PRKN: variants seen among roughly 807,000 people sequenced by gnomAD.
PRKN encodes the protein E3 ubiquitin-protein ligase parkin.
PRKN carries 56 observed loss-of-function variants against 59.5 expected under a neutral mutation model. That is an observed-to-expected ratio of 0.94 (90% CI 0.76 to 1.18). The LOEUF is 1.18. Among genes scored for constraint, PRKN ranks in the 50% most tolerant of loss-of-function variants. The pLI, the probability that PRKN is intolerant of heterozygous loss-of-function variation, is 0.00. For synonymous variants in PRKN, 250 were observed against 222.1 expected (o/e 1.13, Z -1.12); for missense variants, 657 against 596.4 (o/e 1.10, Z -1.06).
rs11272825 is a variant in PRKN, at chr6:161,445,795, TTTCCC to T, written c.1084-58923_1084-58919del. Among the ~76,000 whole-genome samples the T allele has an allele frequency of 0.37, 55,583 of 149,170 alleles. 11,356 individuals carry two copies. The highest frequency in any genetic ancestry group is 0.76 in the East Asian group (3,576 of 4,698). On this transcript the variant is annotated intron_variant, in intron 9 of 11. Transcript: ENST00000366898. The surrounding 1 kb of genome is among the most constrained non-coding windows in gnomAD (Gnocchi z 7.7). The stretch of plus-strand genomic sequence containing the variant: ...GGCCGCCAGCAAAGAATACAAGGGG[TTTCCC>T]TTCCCTTCCCTTCCCTTCCCTTCCC...
At chr6:162,477,671 T>C (rs981082829) in intron 1 of PRKN, among the ~76,000 whole-genome samples, 4 of 152,134 alleles carry the variant, frequency 2.6e-5, no homozygotes, top group Non-Finnish European at 5.9e-5. Context: ...TCCACTCTTT[T>C]CTCATCCTCC....
intron 9 of PRKN, among the ~76,000 whole-genome samples, chr6:161,408,213 C>T (rs932504657): frequency 2.0e-5 from 3 of 151,200 alleles, no homozygotes; most frequent in African/African-American, 7.3e-5. Flanking sequence ...GCAAGATACA[C>T]ATTTACATAA....
chr6:161,714,855 C>G (rs1025533212), intron 7 of PRKN, among the ~76,000 whole-genome samples: 14 of 152,152 alleles, frequency 9.2e-5, no homozygotes, highest in African/African-American at 3.1e-4. Flanking sequence ...CGCCACCCCA[C>G]AAAGACACAT....
In PRKN at chr6:162,262,634, G is replaced by T; in HGVS notation, c.303C>A (p.Ser101Arg). Residue 101 changes from serine (S) to arginine (R), a missense_variant, in exon 3 of 12, where the codon AGC (serine) becomes AGA (arginine). Ser to Arg is a moderately radical substitution (Grantham distance 110). Transcript: ENST00000366898. ...AGCTGCTGAGGTCCACCCGAGTCAA[G>T]CTCTGGGGCTCCCGCTCACAGCCTC... ...AAGGCEREPQ[S>R]LTRVDLSSSV... 1 of 1,613,856 alleles carries T rather than the reference G, an allele frequency of 6.2e-7. No homozygotes were observed. The highest frequency in any genetic ancestry group is 8.5e-7 in the Non-Finnish European group (1 of 1,180,006).
intron 1 of PRKN, among the ~76,000 whole-genome samples, chr6:162,455,759 T>A (rs1790841414): frequency 6.6e-6 from 1 of 152,120 alleles, no homozygotes; most frequent in South Asian, 2.1e-4. Context: ...GGTTTTGATT[T>A]AAAAAATGTT....
intron 1 of PRKN, among the ~76,000 whole-genome samples, chr6:162,674,401 C>T (rs964976727): frequency 6.6e-6 from 1 of 152,008 alleles, no homozygotes; most frequent in Non-Finnish European, 1.5e-5. Context: ...GGCAATATCA[C>T]ATTAAAAGTG....
intron 1 of PRKN, among the ~76,000 whole-genome samples, chr6:162,450,716 G>A (rs1311254626): frequency 2.0e-5 from 3 of 152,162 alleles, no homozygotes; most frequent in African/African-American, 4.8e-5. Flanking sequence ...ACCTTTCAAG[G>A]TCATCCAAAA....
chr6:161,679,875 C>G (rs532553324), intron 7 of PRKN, among the ~76,000 whole-genome samples: 99 of 151,444 alleles, frequency 6.5e-4, no homozygotes, highest in South Asian at 2.5e-3. Context: ...CTGCCTCAGC[C>G]CCCCCAGGAG....
chr6:161,877,327 C>T (rs1004053283), intron 6 of PRKN, among the ~76,000 whole-genome samples: 5 of 152,150 alleles, frequency 3.3e-5, no homozygotes, highest in African/African-American at 9.7e-5. Flanking sequence ...CCTGACCATC[C>T]CAGAGCTCTC....
rs571593610 is a variant in PRKN at position 161,779,751 on chromosome 6, T to C, written c.871+6021A>G. Among the ~76,000 whole-genome samples, 3 of 152,236 alleles carry C rather than the reference T, an allele frequency of 2.0e-5. No individual in the cohort carries two copies. In the South Asian group the frequency reaches 6.2e-4, roughly 32 times the overall value. On this transcript the variant is annotated intron_variant, in intron 7 of 11. Coordinates refer to ENST00000366898, the MANE Select transcript of PRKN (RefSeq NM_004562.3). ...AGTCACTGTGCCCAGACTATAAACT[T>C]TGATTTTCTATTTCTATTTTGTTAT...
intron 7 of PRKN, among the ~76,000 whole-genome samples, chr6:161,680,776 T>TATATATATATATA (rs1491495272): frequency 3.7e-4 from 7 of 18,914 alleles, no homozygotes; most frequent in East Asian, 2.2e-3. Flanking sequence ...TATATATATA[T>TATATATATATATA]TTTTTTTTTT....
chr6:161,366,934 C>T (rs1446051094), intron 10 of PRKN, among the ~76,000 whole-genome samples: 1 of 147,288 alleles, frequency 6.8e-6, no homozygotes, highest in Non-Finnish European at 1.5e-5. Context: ...CTCAATTAAA[C>T]TCTGCTAGAT....
At chr6:162,085,054 A>AAC (rs971438567) in intron 4 of PRKN, among the ~76,000 whole-genome samples, 1 of 123,682 alleles carries the variant, frequency 8.1e-6, no homozygotes, top group African/African-American at 3.6e-5. Flanking sequence ...TCCTACCACA[A>AAC]ACACACACAC....
At chr6:161,635,743 C>G (rs2128156415) in intron 7 of PRKN, among the ~76,000 whole-genome samples, 1 of 152,060 alleles carries the variant, frequency 6.6e-6, no homozygotes, top group Non-Finnish European at 1.5e-5. Context: ...TTCCAGAGTC[C>G]CAGGTAGGTG....
intron 4 of PRKN, among the ~76,000 whole-genome samples, chr6:162,145,588 A>G (rs897420173): frequency 1.3e-5 from 2 of 152,204 alleles, no homozygotes; most frequent in African/African-American, 2.4e-5. Context: ...GCAGAGATTT[A>G]TTGAAAGCAA....
intron 2 of PRKN, among the ~76,000 whole-genome samples, chr6:162,396,757 C>T (rs184401442): frequency 6.6e-6 from 1 of 152,206 alleles, no homozygotes; most frequent in East Asian, 1.9e-4. Flanking sequence ...TGCACATGCA[C>T]ACACACACAC....
Position 161,544,953 on chromosome 6 carries a change from A to G in PRKN, c.1083+3901T>C, listed in dbSNP as rs77416305. On this transcript the variant is annotated intron_variant, in intron 9 of 11. Coordinates refer to ENST00000366898, the MANE Select transcript of PRKN (RefSeq NM_004562.3). The surrounding 1 kb of genome is among the most constrained non-coding windows in gnomAD (Gnocchi z 5.5). ...TGAACTAAAGACACAGAAGCCTTCA[A>G]ATGGAAAGGATATACAACAGAAACC... Among the ~76,000 whole-genome samples, 2,327 of 152,316 alleles carry G rather than the reference A, an allele frequency of 0.015. 60 individuals carry two copies. The highest frequency in any genetic ancestry group is 0.052 in the African/African-American group (2,173 of 41,568).
intron 4 of PRKN, among the ~76,000 whole-genome samples, chr6:162,151,754 G>A (rs1782280091): frequency 6.6e-6 from 1 of 152,096 alleles, no homozygotes. Flanking sequence ...CAGGGTATGT[G>A]AAAAAGTTAT....
At chr6:162,176,102 A>C (rs1783519752) in intron 4 of PRKN, among the ~76,000 whole-genome samples, 1 of 152,176 alleles carries the variant, frequency 6.6e-6, no homozygotes, top group Non-Finnish European at 1.5e-5. Flanking sequence ...CTTACCTGCT[A>C]AGCAGGGGGA....
Sources: gnomAD v4.1 joint callset for allele counts (sites outside exome capture counted in the v4.1 genomes callset) on GRCh38, gnomAD v4.1.1 for gene constraint, Gnocchi (gnomAD v3.1) non-coding constraint, MANE v1.5 for transcripts, NCBI Gene and HGNC (gene_info 2026-07-23, HGNC 2026-07-21) for gene names.